TPTE: variants seen among roughly 807,000 people sequenced by gnomAD.
TPTE encodes transmembrane phosphatase with tensin homology, also known as putative tyrosine-protein phosphatase TPTE.
Under a neutral mutation model 84.1 loss-of-function variants are expected in TPTE, and 59 were observed. The observed-to-expected ratio is 0.70, with a 90% confidence interval of 0.57 to 0.87. The LOEUF (loss-of-function observed/expected upper bound fraction) is 0.87, where lower values mean the gene tolerates loss of function less well. TPTE is among the 40% of genes least tolerant of loss of function. TPTE has a pLI of 0.00. For synonymous variants in TPTE, 130 were observed against 223.5 expected (o/e 0.58, Z 3.73); for missense variants, 382 against 659.6 (o/e 0.58, Z 4.61).
At chr21:10,586,738 TATTA>T in intron 17 of TPTE, among the ~76,000 whole-genome samples, 1 of 152,426 alleles carries the variant, frequency 6.6e-6, no homozygotes, top group East Asian at 1.9e-4. Flanking sequence ...TTGATTTAGC[TATTA>T]ATTTTTGTTT....
chr21:10,526,282 A>C, intron 2 of TPTE, among the ~76,000 whole-genome samples: 1 of 152,308 alleles, frequency 6.6e-6, no homozygotes, highest in African/African-American at 2.4e-5. Context: ...CGATAATTTG[A>C]ACTCTGGCAC....
At chr21:10,571,822 C>A (rs1395117311) in intron 14 of TPTE, among the ~76,000 whole-genome samples, 1 of 152,308 alleles carries the variant, frequency 6.6e-6, no homozygotes, top group Non-Finnish European at 1.5e-5. Context: ...GCCTGATTAA[C>A]ACGGCGAAAT....
chr21:10,573,715 A>C (rs1286587720), intron 14 of TPTE, among the ~76,000 whole-genome samples: 1 of 152,310 alleles, frequency 6.6e-6, no homozygotes. Flanking sequence ...GTCAATTAAA[A>C]ATATTTTTAA....
rs755758179 is a variant in TPTE, at chr21:10,590,502, T to C, written c.1068T>C (p.Ser356=). ...GTMVCAFLIA[S]EICSTAKESL... is the part of the protein sequence containing the mutation. ...TGGTTTGTGCCTTCCTTATTGCCTC[T>C]GAAATATGTTCAACTGCAAAGGTAT... Residue 356 remains serine, a synonymous_variant, in exon 18 of 24, where the codon TCT becomes TCC. Coordinates refer to ENST00000618007, the MANE Select transcript of TPTE (RefSeq NM_199261.4). The C allele has an allele frequency of 6.2e-7, 1 of 1,614,144 alleles. No homozygotes were observed. Among genetic ancestry groups the C allele is most frequent in the Non-Finnish European group, 8.5e-7 (1 of 1,179,948 alleles).
intron 4 of TPTE, among the ~76,000 whole-genome samples, chr21:10,539,614 T>C (rs1282604274): frequency 6.6e-6 from 1 of 152,310 alleles, no homozygotes; most frequent in Non-Finnish European, 1.5e-5. Flanking sequence ...ATAGATGTGC[T>C]GCAATCATAT....
chr21:10,542,619 C>T (rs574086714), intron 6 of TPTE, among the ~76,000 whole-genome samples, 171 bp downstream of exon 6: 3 of 152,320 alleles, frequency 2.0e-5, no homozygotes, highest in East Asian at 1.9e-4. Context: ...ATCCATCCAT[C>T]CACACGTCTC....
chr21:10,597,963 T>C (rs751399292), intron 20 of TPTE, 52 bp from the exon 21 acceptor site: 21 of 1,600,012 alleles, frequency 1.3e-5, no homozygotes, highest in Admixed American at 3.4e-5. Context: ...GTGAGACATA[T>C]TGATGTTCAC....
chr21:10,589,972 G>A (rs1281388871), intron 17 of TPTE, among the ~76,000 whole-genome samples: 1 of 152,310 alleles, frequency 6.6e-6, no homozygotes, highest in Non-Finnish European at 1.5e-5. Context: ...AAGAGAAATG[G>A]CACTTGGTGT....
chr21:10,573,203 A>T (rs2075081210), intron 14 of TPTE, among the ~76,000 whole-genome samples: 1 of 152,308 alleles, frequency 6.6e-6, no homozygotes, highest in Non-Finnish European at 1.5e-5. Context: ...AGCCATACTT[A>T]TCAGATAAAA....
chr21:10,555,639 A>G (rs1182954996), intron 8 of TPTE, among the ~76,000 whole-genome samples: 3 of 152,304 alleles, frequency 2.0e-5, no homozygotes, highest in Non-Finnish European at 2.9e-5. Flanking sequence ...GTTTGTATTT[A>G]TGATTTCTGG....
At chr21:10,584,879 A>AGTGTGTGTGTGTGTGTGT (rs56198162) in intron 17 of TPTE, among the ~76,000 whole-genome samples, 14 of 148,844 alleles carry the variant, frequency 9.4e-5, no homozygotes, top group South Asian at 6.4e-4. Context: ...ATGCTTTACG[A>AGTGTGTGTGTGTGTGTGT]GTGTGTGTGT....
intron 3 of TPTE, among the ~76,000 whole-genome samples, chr21:10,537,618 C>G (rs2074289573): frequency 1.3e-5 from 2 of 151,472 alleles, no homozygotes; most frequent in African/African-American, 4.9e-5. Flanking sequence ...GTGGAGCTTG[C>G]AGTGAACCGA....
intron 18 of TPTE, among the ~76,000 whole-genome samples, chr21:10,591,077 A>G (rs1473232702): frequency 1.3e-5 from 2 of 152,306 alleles, no homozygotes; most frequent in African/African-American, 4.8e-5. Context: ...CATCCTCACA[A>G]CTCTTAGGTA....
intron 19 of TPTE, among the ~76,000 whole-genome samples, chr21:10,592,856 G>A (rs1405716435): frequency 6.7e-6 from 1 of 148,538 alleles, no homozygotes; most frequent in Non-Finnish European, 1.5e-5. Flanking sequence ...TTGTGGGGGA[G>A]GTGTATTTTA....
chr21:10,542,160 G>A (rs1243811623), intron 5 of TPTE, among the ~76,000 whole-genome samples: 1 of 152,308 alleles, frequency 6.6e-6, no homozygotes, highest in Non-Finnish European at 1.5e-5. Context: ...ATAATAAAGA[G>A]GTTTACTTAA....
chr21:10,558,779 G>A (rs2074734050), intron 8 of TPTE, among the ~76,000 whole-genome samples: 1 of 152,058 alleles, frequency 6.6e-6, no homozygotes, highest in Non-Finnish European at 1.5e-5. Context: ...CTCCTGAAGA[G>A]CCTCCAACAC....
chr21:10,552,392 T>C (rs1202804648), intron 7 of TPTE, among the ~76,000 whole-genome samples: 3 of 152,286 alleles, frequency 2.0e-5, no homozygotes, highest in African/African-American at 4.8e-5. Context: ...TATATATCTT[T>C]ATATGCATAT....
intron 10 of TPTE, among the ~76,000 whole-genome samples, chr21:10,562,254 C>T (rs1345157692): frequency 2.6e-5 from 4 of 152,312 alleles, no homozygotes; most frequent in Admixed American, 2.0e-4. Flanking sequence ...GGAAAGCCTT[C>T]CCAAGAAAGA....
intron 7 of TPTE, among the ~76,000 whole-genome samples, chr21:10,545,635 T>TACACACAA (rs397815773): frequency 6.6e-6 from 1 of 151,008 alleles, no homozygotes; most frequent in Non-Finnish European, 1.5e-5. Flanking sequence ...AGGATCTATC[T>TACACACAA]ACACACACAC....
Sources: gnomAD v4.1 joint callset for allele counts (sites outside exome capture counted in the v4.1 genomes callset) on GRCh38, gnomAD v4.1.1 for gene constraint, MANE v1.5 for transcripts, NCBI Gene and HGNC (gene_info 2026-07-23, HGNC 2026-07-21) for gene names.